Variants in GATB observed in about 807,000 individuals in gnomAD.
The protein encoded by GATB is glutamyl-tRNA(Gln) amidotransferase subunit B, mitochondrial.
A neutral mutation model predicts 62.3 loss-of-function variants in GATB; 39 were observed. The ratio of observed to expected loss-of-function variants is 0.63; its 90% CI spans 0.48 to 0.82. The LOEUF is 0.82. Among genes scored for constraint, GATB ranks in the 40% least tolerant of loss-of-function variants. GATB has a pLI of 0.00. For synonymous variants in GATB, 276 were observed against 258.9 expected (o/e 1.07, Z -0.63); for missense variants, 670 against 684.0 (o/e 0.98, Z 0.23).
intron 2 of GATB, among the ~76,000 whole-genome samples, chr4:151,743,621 G>A (rs1470487190): frequency 1.3e-5 from 2 of 152,216 alleles, no homozygotes; most frequent in Non-Finnish European, 2.9e-5. Flanking sequence ...CTGGAAGTGA[G>A]AAACTTTGGT....
rs922649161 is a variant in GATB at position 151,735,734 on chromosome 4, GTGTA to G, written c.328-16200_328-16197del. Reference sequence around the variant, plus strand: ...TCAACAAGTGGATAAATAAACTGTGGTGTATATATATATATATATATATGATGGA... The same window carrying G: ...TCAACAAGTGGATAAATAAACTGTGGTATATATATATATATATATGATGGA... On this transcript the variant is annotated intron_variant, in intron 2 of 12. Transcript: ENST00000263985. Among the ~76,000 whole-genome samples the G allele has an allele frequency of 1.4e-4, 13 of 93,614 alleles. 2 individuals carry two copies. The highest frequency in any genetic ancestry group is 4.5e-4 in the African/African-American group (8 of 17,892). 61.4% of individuals were successfully genotyped at this position (93,614 alleles called of 152,430 possible). A position where few individuals can be genotyped will look rare whatever the true frequency, so the allele number is the denominator to read the frequency against.
rs575829001 is a variant in GATB at position 151,730,922 on chromosome 4, A to C, written c.328-11384T>G. Among the ~76,000 whole-genome samples the C allele has an allele frequency of 1.3e-5, 2 of 152,338 alleles. No individual in the cohort carries two copies. Among genetic ancestry groups the C allele is most frequent in the South Asian group, 4.1e-4 (2 of 4,820 alleles). On this transcript the variant is annotated intron_variant, in intron 2 of 12. Coordinates refer to ENST00000263985, the MANE Select transcript of GATB (RefSeq NM_004564.3). The surrounding 1 kb of genome is among the most constrained non-coding windows in gnomAD (Gnocchi z 4.1). Reference sequence around the variant, plus strand: ...TTACCAGCAATGAATCCAAATCAAGAAGAAATCCCTGATTTACCTGAAAAA... The same window carrying C: ...TTACCAGCAATGAATCCAAATCAAGCAGAAATCCCTGATTTACCTGAAAAA...
chr4:151,758,006 T>C (rs1739871268), intron 2 of GATB, among the ~76,000 whole-genome samples: 1 of 152,150 alleles, frequency 6.6e-6, no homozygotes, highest in African/African-American at 2.4e-5. Context: ...ACCAATTATA[T>C]AAAAATATAT....
chr4:151,696,001 G>A (rs1470189310), intron 9 of GATB, among the ~76,000 whole-genome samples: 2 of 138,232 alleles, frequency 1.4e-5, no homozygotes, highest in Non-Finnish European at 3.0e-5. Flanking sequence ...AACTGGTCTC[G>A]AAATCCTGGC....
intron 2 of GATB, among the ~76,000 whole-genome samples, chr4:151,733,630 A>G (rs1436909165): frequency 6.6e-6 from 1 of 152,200 alleles, no homozygotes; most frequent in Non-Finnish European, 1.5e-5. Context: ...CATCACCCTA[A>G]TACCAAAATC....
intron 2 of GATB, chr4:151,721,752 C>A: frequency 6.3e-6 from 1 of 157,638 alleles, no homozygotes; most frequent in South Asian, 1.9e-4. Context: ...TGGGACCAAG[C>A]TGCTTCCTCC....
intron 3 of GATB, among the ~76,000 whole-genome samples, chr4:151,718,163 C>T (rs1463906942): frequency 6.6e-6 from 1 of 152,172 alleles, no homozygotes; most frequent in African/African-American, 2.4e-5. Context: ...ATATTTCTTA[C>T]CAGTTCCCAG....
intron 2 of GATB, among the ~76,000 whole-genome samples, chr4:151,743,673 T>C (rs77865237): frequency 0.013 from 2,029 of 152,312 alleles, 42 homozygotes; most frequent in African/African-American, 0.046. Flanking sequence ...TGACCATGGG[T>C]AAGTCCCAAC....
In GATB at chr4:151,719,434, T is replaced by C. The variant is rs1346474682; in HGVS notation, c.432A>G (p.Ala144=). ...SLFDRKHYFY[A]DLPAGYQITQ... ...CACAAAGTGTACTTACAGGGAGGTC[T>C]GCATAGAAGTAGTGCTTCCTGTCAA... The change falls in exon 3 of 13, where the codon GCA becomes GCG. Residue 144 remains alanine (A), a synonymous_variant. Transcript: ENST00000263985. 9.3e-6 allele frequency: 15 copies of C among 1,609,638 alleles called. No individual in the cohort carries two copies. Among genetic ancestry groups the C allele is most frequent in the Admixed American group, 1.7e-5 (1 of 59,796 alleles).
chr4:151,755,763 T>G (rs1459943463), intron 2 of GATB, among the ~76,000 whole-genome samples: 1 of 152,240 alleles, frequency 6.6e-6, no homozygotes, highest in Non-Finnish European at 1.5e-5. Context: ...TAACTTATCC[T>G]TTTCCCACTG....
intron 11 of GATB, among the ~76,000 whole-genome samples, chr4:151,678,691 T>A (rs1401680140): frequency 6.6e-6 from 1 of 152,186 alleles, no homozygotes; most frequent in Admixed American, 6.5e-5. Context: ...TGGTGCCTCA[T>A]AATTATCCCA....
chr4:151,715,027 T>C (rs1035101328), intron 5 of GATB, among the ~76,000 whole-genome samples: 2 of 152,234 alleles, frequency 1.3e-5, no homozygotes, highest in African/African-American at 4.8e-5. Context: ...TTACACATCC[T>C]ATGTGACAAA....
intron 11 of GATB, 128 bp from the exon 12 acceptor site, chr4:151,673,024 G>T (rs377434043): frequency 1.7e-6 from 2 of 1,196,330 alleles, no homozygotes. Flanking sequence ...CCACTGCCTG[G>T]GCCTGGCCCA....
intron 8 of GATB, 185 bp downstream of exon 8, chr4:151,703,666 C>G (rs1318756575): frequency 1.6e-6 from 1 of 609,074 alleles, no homozygotes; most frequent in African/African-American, 1.9e-5. Flanking sequence ...GCTACCAAAT[C>G]AAGAAACTAG....
chr4:151,701,353 C>G lies in GATB; in HGVS notation c.1173G>C (p.Leu391=). ...REKLVQQYGM[L]LEHSFTLLNE... ...CCAGCAAAGTGAAGCTGTGTTCCAG[C>G]AGCATCCCATACTGTTGGACAAGCT... is the stretch of plus-strand genomic sequence containing the variant. The change falls in exon 9 of 13, where the codon CTG becomes CTC. Residue 391 remains leucine (L), a synonymous_variant. Coordinates refer to ENST00000263985, the MANE Select transcript of GATB (RefSeq NM_004564.3). 6.4e-7 allele frequency: 1 copy of G among 1,566,752 alleles called. No individual in the cohort carries two copies. The highest frequency in any genetic ancestry group is 8.7e-7 in the Non-Finnish European group (1 of 1,156,026).
chr4:151,678,923 C>T (rs918889103), intron 11 of GATB, among the ~76,000 whole-genome samples: 17 of 152,256 alleles, frequency 1.1e-4, no homozygotes, highest in African/African-American at 2.9e-4. Context: ...GACGGAGTCT[C>T]GCTCTGTCAC....
At chr4:151,742,796 A>C in intron 2 of GATB, among the ~76,000 whole-genome samples, 1 of 152,190 alleles carries the variant, frequency 6.6e-6, no homozygotes. Flanking sequence ...CTTCATAATA[A>C]AAAAATTACA....
chr4:151,680,293 C>A (rs1471916613), intron 10 of GATB, among the ~76,000 whole-genome samples: 24 of 135,146 alleles, frequency 1.8e-4, no homozygotes, highest in South Asian at 4.9e-4. Flanking sequence ...AAAAAAAAAA[C>A]CAGCTAACAA....
intron 9 of GATB, among the ~76,000 whole-genome samples, chr4:151,697,959 A>ATATATATATATATATATATGTG (rs1738513829): frequency 1.8e-5 from 1 of 54,972 alleles, no homozygotes; most frequent in African/African-American, 6.8e-5. Context: ...GTGTGTATAT[A>ATATATATATATATATATATGTG]TATATATATA....
Sources: allele counts gnomAD v4.1 joint callset (sites outside exome capture counted in the v4.1 genomes callset), GRCh38; gene constraint gnomAD v4.1.1; non-coding constraint Gnocchi (gnomAD v3.1); transcripts MANE v1.5; gene names NCBI Gene and HGNC (gene_info 2026-07-23, HGNC 2026-07-21).